OLFM3: variants seen among roughly 807,000 people sequenced by gnomAD.
OLFM3 encodes olfactomedin 3.
Under a neutral mutation model 48.6 loss-of-function variants are expected in OLFM3, and 20 were observed. The observed-to-expected ratio is 0.41, with a 90% CI of 0.29 to 0.60. OLFM3 has a LOEUF of 0.60. Among genes scored for constraint, OLFM3 ranks in the 20% least tolerant of loss-of-function variants. OLFM3 has a pLI of 0.28. For missense variants in OLFM3, 437 were observed against 544.3 expected (o/e 0.80, Z 1.96); for synonymous variants, 222 against 198.1 (o/e 1.12, Z -1.01).
chr1:101,902,261 A>T (rs1658411932), intron 1 of OLFM3, among the ~76,000 whole-genome samples: 1 of 152,024 alleles, frequency 6.6e-6, no homozygotes, highest in South Asian at 2.1e-4. Flanking sequence ...TATTCAAAAG[A>T]TCTATTCGAT....
chr1:101,901,239 A>G (rs749529591), intron 1 of OLFM3, among the ~76,000 whole-genome samples: 3 of 152,102 alleles, frequency 2.0e-5, no homozygotes, highest in Non-Finnish European at 4.4e-5. Flanking sequence ...TACTGTTGGA[A>G]GAACCAGGGA....
chr1:101,850,296 C>CAA (rs1656172967), intron 1 of OLFM3, among the ~76,000 whole-genome samples: 1 of 152,014 alleles, frequency 6.6e-6, no homozygotes, highest in Admixed American at 6.6e-5. Flanking sequence ...TCATGGAATG[C>CAA]TGAAAGCTAT....
At position 101,896,552 on chromosome 1, in the gene OLFM3, T is replaced by G. The variant is rs757520800; in HGVS notation, c.70-59527A>C. ...CTCTGTCACCCAGGCTGAAGTGCAG[T>G]GGCGCGATCTCGGCTCACTGCAAAC... On this transcript the variant is annotated intron_variant, in intron 1 of 5. Transcript: ENST00000370103. Among the ~76,000 whole-genome samples the G allele has an allele frequency of 1.7e-3, 246 of 142,956 alleles. 2 individuals are homozygous for G. Among genetic ancestry groups the G allele is most frequent in the Non-Finnish European group, 3.1e-3 (207 of 66,758 alleles). 93.8% of individuals were successfully genotyped at this position (142,956 alleles called of 152,430 possible).
chr1:101,898,543 C>T (rs998529021), intron 1 of OLFM3, among the ~76,000 whole-genome samples: 2 of 151,970 alleles, frequency 1.3e-5, no homozygotes, highest in Non-Finnish European at 2.9e-5. Context: ...TATGCATTTC[C>T]CATAAAATAA....
At chr1:101,925,160 T>C (rs1659230853) in intron 1 of OLFM3, among the ~76,000 whole-genome samples, 1 of 152,002 alleles carries the variant, frequency 6.6e-6, no homozygotes, top group Non-Finnish European at 1.5e-5. Flanking sequence ...AATAGAATAG[T>C]TGTATATGGT....
intron 1 of OLFM3, among the ~76,000 whole-genome samples, chr1:101,876,465 C>T (rs1288783097): frequency 6.6e-6 from 1 of 151,952 alleles, no homozygotes; most frequent in African/African-American, 2.4e-5. Context: ...ATTTCTATAT[C>T]TCTGGGATGA....
At chr1:101,868,280 A>T (rs1010468595) in intron 1 of OLFM3, among the ~76,000 whole-genome samples, 1 of 152,172 alleles carries the variant, frequency 6.6e-6, no homozygotes, top group African/African-American at 2.4e-5. Context: ...ATGAACACGT[A>T]GAGAAGTTTG....
intron 1 of OLFM3, among the ~76,000 whole-genome samples, chr1:101,953,369 G>A (rs998963708): frequency 3.9e-5 from 6 of 152,152 alleles, no homozygotes; most frequent in African/African-American, 1.4e-4. Flanking sequence ...TATTGTTCAT[G>A]CCTGCTTTTG....
At chr1:101,945,267 C>G (rs577649858) in intron 1 of OLFM3, among the ~76,000 whole-genome samples, 92 of 152,150 alleles carry the variant, frequency 6.0e-4, no homozygotes, top group African/African-American at 2.1e-3. Context: ...AAATGTCTAT[C>G]AAAAGGTGAA....
chr1:101,824,444 G>A (rs148725549), intron 4 of OLFM3, among the ~76,000 whole-genome samples: 46 of 152,286 alleles, frequency 3.0e-4, no homozygotes, highest in African/African-American at 9.6e-4. Context: ...ACCCATGCAT[G>A]TCACATGCTT....
intron 4 of OLFM3, among the ~76,000 whole-genome samples, chr1:101,807,953 A>C (rs1653858941): frequency 6.6e-6 from 1 of 151,828 alleles, no homozygotes; most frequent in Admixed American, 6.6e-5. Flanking sequence ...AATGTTAATC[A>C]TATTCTGAAT....
At chr1:101,980,826 C>T (rs1448232939) in intron 1 of OLFM3, among the ~76,000 whole-genome samples, 2 of 152,056 alleles carry the variant, frequency 1.3e-5, no homozygotes, top group Admixed American at 6.5e-5. Flanking sequence ...ACTGGGCTAA[C>T]TAAACCTTTT....
At chr1:101,869,293 C>T (rs1216600762) in intron 1 of OLFM3, among the ~76,000 whole-genome samples, 2 of 152,154 alleles carry the variant, frequency 1.3e-5, no homozygotes, top group South Asian at 4.1e-4. Context: ...GCTCTGGGAG[C>T]CCACCTCTTA....
intron 1 of OLFM3, among the ~76,000 whole-genome samples, chr1:101,851,042 T>C (rs116186978): frequency 2.0e-5 from 3 of 151,982 alleles, no homozygotes; most frequent in Non-Finnish European, 4.4e-5. Context: ...TGTTAGCAAG[T>C]TAAGTAGGAA....
intron 1 of OLFM3, among the ~76,000 whole-genome samples, chr1:101,884,296 C>G (rs1244535546): frequency 6.6e-6 from 1 of 151,818 alleles, no homozygotes; most frequent in Non-Finnish European, 1.5e-5. Context: ...TTAGTGCCAG[C>G]AAAGGATGGT....
At chr1:101,982,913 T>TACACACACACACACAC (rs149648138) in intron 1 of OLFM3, among the ~76,000 whole-genome samples, 1 of 150,858 alleles carries the variant, frequency 6.6e-6, no homozygotes, top group Non-Finnish European at 1.5e-5. Flanking sequence ...TCTTTGTTTT[T>TACACACACACACACAC]ACACACACAC....
At chr1:101,956,099 T>TTATTTA (rs1557745365) in intron 1 of OLFM3, among the ~76,000 whole-genome samples, 1 of 149,230 alleles carries the variant, frequency 6.7e-6, no homozygotes, top group Non-Finnish European at 1.5e-5. Context: ...TTTTTTTTTT[T>TTATTTA]TTTTAAAAAA....
intron 1 of OLFM3, among the ~76,000 whole-genome samples, chr1:101,890,886 A>G (rs1043726940): frequency 6.6e-6 from 1 of 151,984 alleles, no homozygotes; most frequent in Non-Finnish European, 1.5e-5. Context: ...ATTGAAGACA[A>G]CAGAATGAAT....
chr1:101,836,943 G>T lies in OLFM3; in HGVS notation c.152C>A (p.Ala51Asp). ...PDGRCICTVV[A>D]PEQNLCSRDA... The stretch of plus-strand genomic sequence containing the variant: ...CCGGGAACACAGGTTTTGTTCTGGA[G>T]CAACAACTGTGCAAATGCACCGCCC... Residue 51 changes from alanine to aspartate, a missense_variant, in exon 2 of 6, where the codon GCT becomes GAT. By Grantham distance (126) the Ala-to-Asp change is moderately radical. Coordinates refer to ENST00000370103, the MANE Select transcript of OLFM3 (RefSeq NM_058170.4). 6.2e-7 allele frequency: 1 copy of T among 1,614,118 alleles called. No homozygotes were observed. Among genetic ancestry groups the T allele is most frequent in the East Asian group, 2.2e-5 (1 of 44,866 alleles).
Sources: gnomAD v4.1 joint callset for allele counts (sites outside exome capture counted in the v4.1 genomes callset) on GRCh38, gnomAD v4.1.1 for gene constraint, MANE v1.5 for transcripts, NCBI Gene and HGNC (gene_info 2026-07-23, HGNC 2026-07-21) for gene names.